Variants in CCSER2 observed in about 807,000 individuals in gnomAD.
CCSER2 encodes serine-rich coiled-coil domain-containing protein 2.
CCSER2 carries 46 observed loss-of-function variants against 92.3 expected under a neutral mutation model. That is an observed-to-expected ratio of 0.50 (90% CI 0.39 to 0.64). The LOEUF (loss-of-function observed/expected upper bound fraction) is 0.64, where lower values mean the gene tolerates loss of function less well. CCSER2 is among the 30% of genes least tolerant of loss of function. CCSER2 has a pLI of 0.00. For missense variants in CCSER2, 1,244 were observed against 1,238.9 expected, an observed-to-expected ratio of 1.00 and a Z score of -0.06; for synonymous variants, 433 against 431.4, an observed-to-expected ratio of 1.00 and a Z score of -0.04.
chr10:84,353,485 T>C (rs781189826), intron 1 of CCSER2, among the ~76,000 whole-genome samples: 6 of 152,258 alleles, frequency 3.9e-5, no homozygotes, highest in Non-Finnish European at 7.3e-5. Context: ...TTACTTGTAT[T>C]GCTCAAGTTC....
chr10:84,482,437 CTA>C (rs1214880188), intron 9 of CCSER2, among the ~76,000 whole-genome samples: 2 of 152,150 alleles, frequency 1.3e-5, no homozygotes, highest in African/African-American at 4.8e-5. Context: ...ACTTACGAAA[CTA>C]TTTTTAAGCA....
chr10:84,338,898 G>A (rs1844002305), intron 1 of CCSER2, among the ~76,000 whole-genome samples: 1 of 152,092 alleles, frequency 6.6e-6, no homozygotes, highest in Non-Finnish European at 1.5e-5. Flanking sequence ...TTATGTTTAA[G>A]TAAATAGTAG....
Position 84,371,231 on chromosome 10 carries a change from C to A in CCSER2, c.179C>A (p.Ser60Ter), listed in dbSNP as rs866882616. ...YIKNNGSDCP[S>*]SHSFNWRKAN... ...AAAAATAATGGCTCTGATTGTCCATCATCTCATTCATTTAATTGGAGGAAA... is the reference window on the plus strand; with the variant it reads ...AAAAATAATGGCTCTGATTGTCCATAATCTCATTCATTTAATTGGAGGAAA... The change falls in exon 2 of 10, where the codon TCA becomes TAA. Residue 60 changes from serine to a stop codon, truncating the protein, a stop_gained. Coordinates refer to ENST00000372088, the MANE Select transcript of CCSER2 (RefSeq NM_001284240.2). LOFTEE classifies it high-confidence loss of function. 6.2e-7 allele frequency: 1 copy of A among 1,613,226 alleles called. No homozygotes were observed. Among genetic ancestry groups the A allele is most frequent in the South Asian group, 1.1e-5 (1 of 90,918 alleles).
chr10:84,425,109 G>GT, intron 4 of CCSER2: 1 of 980,784 alleles, frequency 1.0e-6, no homozygotes. Context: ...TGGTATTTGG[G>GT]TTTAAGGGAG....
intron 3 of CCSER2, among the ~76,000 whole-genome samples, chr10:84,390,401 C>T (rs916222404): frequency 1.3e-5 from 2 of 152,126 alleles, no homozygotes; most frequent in African/African-American, 4.8e-5. Flanking sequence ...CTACTATACA[C>T]CTAGGCTATG....
At position 84,371,307 on chromosome 10, in the gene CCSER2, T is replaced by TAAAATTAG; in HGVS notation, c.255_256insAAAATTAG (p.Gln86LysfsTer10). Reference sequence around the variant, plus strand: ...AAGGTGTCGAAGAGCCTAACAATACTCAAAATTCACATGATAAAATAATTG... The same window carrying TAAAATTAG: ...AAGGTGTCGAAGAGCCTAACAATACTAAAATTAGCAAAATTCACATGATAAAATAATTG... On this transcript the variant is annotated frameshift_variant, in exon 2 of 10. Coordinates refer to ENST00000372088, the MANE Select transcript of CCSER2 (RefSeq NM_001284240.2). LOFTEE classifies it high-confidence loss of function. The TAAAATTAG allele has an allele frequency of 6.2e-7, 1 of 1,613,632 alleles. No homozygotes were observed. Among genetic ancestry groups the TAAAATTAG allele is most frequent in the African/African-American group, 1.3e-5 (1 of 75,002 alleles).
At chr10:84,394,384 T>A in intron 3 of CCSER2, among the ~76,000 whole-genome samples, 1 of 100,784 alleles carries the variant, frequency 9.9e-6, no homozygotes, top group South Asian at 2.9e-4. Context: ...AAAAGGAAAG[T>A]ATGTGTGTGT....
chr10:84,498,420 ATTG>A (rs1848560134), intron 9 of CCSER2, among the ~76,000 whole-genome samples: 1 of 151,962 alleles, frequency 6.6e-6, no homozygotes, highest in African/African-American at 2.4e-5. Context: ...TATCCTAAAG[ATTG>A]TTAATTTAGT....
At chr10:84,366,239 C>T (rs891682798) in intron 1 of CCSER2, among the ~76,000 whole-genome samples, 11 of 152,194 alleles carry the variant, frequency 7.2e-5, no homozygotes, top group South Asian at 2.1e-4. Flanking sequence ...CCACTGTGCC[C>T]GGCCTCGGAA....
chr10:84,446,530 C>T (rs1222823390), intron 6 of CCSER2, among the ~76,000 whole-genome samples: 1 of 152,026 alleles, frequency 6.6e-6, no homozygotes, highest in African/African-American at 2.4e-5. Flanking sequence ...TAGCAAAGAA[C>T]CAAAGAAGAG....
intron 3 of CCSER2, among the ~76,000 whole-genome samples, chr10:84,416,727 G>C (rs1347681773): frequency 2.0e-5 from 3 of 152,078 alleles, no homozygotes; most frequent in Non-Finnish European, 4.4e-5. Flanking sequence ...AGGAGATCGA[G>C]ACCATCCTGG....
chr10:84,393,579 G>T (rs946479948), intron 3 of CCSER2, among the ~76,000 whole-genome samples: 2 of 152,148 alleles, frequency 1.3e-5, no homozygotes, highest in Non-Finnish European at 2.9e-5. Flanking sequence ...TGCCGTAGAT[G>T]TATGCACATA....
chr10:84,385,822 A>C (rs1394192834), intron 3 of CCSER2, among the ~76,000 whole-genome samples: 1 of 152,210 alleles, frequency 6.6e-6, no homozygotes, highest in East Asian at 1.9e-4. Context: ...ATGTGAGAAA[A>C]TATTTCCAAA....
chr10:84,404,949 A>G (rs1039308770), intron 3 of CCSER2, among the ~76,000 whole-genome samples: 1 of 152,192 alleles, frequency 6.6e-6, no homozygotes, highest in Non-Finnish European at 1.5e-5. Flanking sequence ...GAATTGGAAG[A>G]CTCAGTGTAG....
intron 8 of CCSER2, among the ~76,000 whole-genome samples, chr10:84,474,612 G>A (rs1847019584): frequency 7.4e-6 from 1 of 135,096 alleles, no homozygotes; most frequent in African/African-American, 2.8e-5. Context: ...AGTGAGCCAA[G>A]ATCGCGTGCC....
In CCSER2 at chr10:84,431,079, A is replaced by C. The variant is rs562123380; in HGVS notation, c.1868+5186A>C. Reference sequence around the variant, plus strand: ...GTTTCTCCTATGATTAACATCTTGCATGATTGTATTATAATTGATGAGTCA... The same window carrying C: ...GTTTCTCCTATGATTAACATCTTGCCTGATTGTATTATAATTGATGAGTCA... On this transcript the variant is annotated intron_variant, in intron 5 of 9. Transcript: ENST00000372088. 1.8e-4 allele frequency among the ~76,000 whole-genome samples: 27 copies of C among 152,286 alleles called. No homozygotes were observed. The South Asian group carries it at 3.1e-3, about 18-fold the overall frequency.
At chr10:84,394,756 A>G (rs1356414615) in intron 3 of CCSER2, among the ~76,000 whole-genome samples, 1 of 152,132 alleles carries the variant, frequency 6.6e-6, no homozygotes, top group Non-Finnish European at 1.5e-5. Context: ...AATATTATAA[A>G]TATTTCTGTA....
At chr10:84,504,025 C>T (rs1848911321) in intron 9 of CCSER2, among the ~76,000 whole-genome samples, 1 of 152,140 alleles carries the variant, frequency 6.6e-6, no homozygotes, top group South Asian at 2.1e-4. Flanking sequence ...TATGTATTTA[C>T]AACAACCTGA....
chr10:84,342,852 C>A (rs1844274036), intron 1 of CCSER2, among the ~76,000 whole-genome samples: 1 of 152,158 alleles, frequency 6.6e-6, no homozygotes, highest in African/African-American at 2.4e-5. Flanking sequence ...TCTTTGCCTT[C>A]CAAAGCATCG....
Sources: gnomAD v4.1 joint callset for allele counts (sites outside exome capture counted in the v4.1 genomes callset) on GRCh38, gnomAD v4.1.1 for gene constraint, MANE v1.5 for transcripts, NCBI Gene and HGNC (gene_info 2026-07-23, HGNC 2026-07-21) for gene names.